The following NDFIP1 variants were observed in gnomAD, a reference collection of about 807,000 sequenced individuals.
NDFIP1 encodes NEDD4 family-interacting protein 1.
In NDFIP1, 7 loss-of-function variants were observed where a neutral mutation model predicts 28.8. The ratio of observed to expected loss-of-function variants is 0.24; its 90% CI spans 0.14 to 0.46. NDFIP1 has a LOEUF of 0.46. Ranked by LOEUF, NDFIP1 falls within the 20% of genes least tolerant of loss-of-function variation. NDFIP1 has a pLI of 0.99. For missense variants in NDFIP1, 194 were observed against 269.1 expected, an observed-to-expected ratio of 0.72 and a Z score of 1.95; for synonymous variants, 92 against 101.0, an observed-to-expected ratio of 0.91 and a Z score of 0.53.
intron 1 of NDFIP1, among the ~76,000 whole-genome samples, chr5:142,115,136 A>T (rs776323951): frequency 2.0e-5 from 3 of 152,192 alleles, no homozygotes; most frequent in Non-Finnish European, 4.4e-5. Flanking sequence ...TCATATTTTT[A>T]TTAAGAAAGA....
intron 1 of NDFIP1, among the ~76,000 whole-genome samples, chr5:142,120,785 G>C (rs1215524983): frequency 2.0e-5 from 3 of 152,188 alleles, no homozygotes; most frequent in African/African-American, 7.2e-5. Flanking sequence ...TTGAATACTT[G>C]TAGAATGAAA....
intron 7 of NDFIP1, among the ~76,000 whole-genome samples, chr5:142,151,053 T>C (rs1247778693): frequency 6.6e-6 from 1 of 152,226 alleles, no homozygotes; most frequent in Non-Finnish European, 1.5e-5. Flanking sequence ...AAAACTGCAT[T>C]TAGTAAAATG....
At position 142,153,040 on chromosome 5, in the gene NDFIP1, C is replaced by T. The variant is rs1757464025; in HGVS notation, c.*1312C>T. On this transcript the variant is annotated 3_prime_UTR_variant, in exon 8 of 8. Transcript: ENST00000253814. The stretch of plus-strand genomic sequence containing the variant: ...AGAGATCTTAAATCATTCTGGAATT[C>T]CTAATTATGCTTCAATTTTTAGACA... 7 of 338,946 alleles carry T rather than the reference C, an allele frequency of 2.1e-5. No individual in the cohort carries two copies. The highest frequency in any genetic ancestry group is 1.7e-4 in the South Asian group (7 of 42,192). The allele number at this position is 338,946 out of a possible 1,614,324, so 21.0% of individuals were successfully genotyped here.
At position 142,153,585 on chromosome 5, in the gene NDFIP1, G is replaced by T; in HGVS notation, c.*1857G>T. On this transcript the variant is annotated 3_prime_UTR_variant, in exon 8 of 8. Transcript: ENST00000253814. ...GTTATATTTGATAATAGAGAAGGGA[G>T]TTTTATGGAAGTTTCTTTGAAGATT... 3 of 278,864 alleles carry T rather than the reference G, an allele frequency of 1.1e-5. No individual in the cohort carries two copies. Among genetic ancestry groups the T allele is most frequent in the East Asian group, 1.7e-4 (2 of 11,670 alleles). The allele number at this position is 278,864 out of a possible 1,614,324, so 17.3% of individuals were successfully genotyped here. A position where few individuals can be genotyped will look rare whatever the true frequency, so the allele number is the denominator to read the frequency against.
intron 5 of NDFIP1, among the ~76,000 whole-genome samples, chr5:142,138,521 C>A (rs1757296543): frequency 6.6e-6 from 1 of 152,140 alleles, no homozygotes; most frequent in Non-Finnish European, 1.5e-5. Context: ...TAAACAAAAC[C>A]AATTTATCCG....
At chr5:142,130,880 A>G (rs1218650614) in intron 1 of NDFIP1, among the ~76,000 whole-genome samples, 3 of 152,128 alleles carry the variant, frequency 2.0e-5, no homozygotes, top group Admixed American at 6.6e-5. Flanking sequence ...GGATTATATG[A>G]TGCCTATTGT....
intron 1 of NDFIP1, among the ~76,000 whole-genome samples, chr5:142,131,509 G>C (rs1032591568): frequency 6.6e-6 from 1 of 152,174 alleles, no homozygotes; most frequent in South Asian, 2.1e-4. Context: ...AATTTTTAAT[G>C]GCCGTTTAGT....
Position 142,132,348 on chromosome 5 carries a change from T to C in NDFIP1, c.282+6T>C. 1.2e-6 allele frequency: 2 copies of C among 1,605,646 alleles called. No individual in the cohort carries two copies. The highest frequency in any genetic ancestry group is 1.7e-6 in the Non-Finnish European group (2 of 1,177,960). On this transcript the variant is annotated splice_donor_region_variant and intron_variant, in intron 3 of 7. Transcript: ENST00000253814. ...TCCCTTTGGTTCCTGGGAGAGTGAGTATAATTTGCCATGTTACTTGATGGC... is the reference window on the plus strand; with the variant it reads ...TCCCTTTGGTTCCTGGGAGAGTGAGCATAATTTGCCATGTTACTTGATGGC...
At chr5:142,145,164 GTCA>G (rs1198323373) in intron 7 of NDFIP1, among the ~76,000 whole-genome samples, 9 of 152,282 alleles carry the variant, frequency 5.9e-5, no homozygotes, top group African/African-American at 2.2e-4. Context: ...TTTTAAAATT[GTCA>G]TTGAGGCTTT....
chr5:142,142,940 A>AAAAAAAAATAT (rs60076432), intron 6 of NDFIP1: 2 of 38,160 alleles, frequency 5.2e-5, no homozygotes, highest in African/African-American at 1.3e-4. Flanking sequence ...AAAAAAAAAA[A>AAAAAAAAATAT]ATATATATAT....
intron 3 of NDFIP1, 45 bp downstream of exon 3, chr5:142,132,387 T>A (rs923703680): frequency 6.3e-7 from 1 of 1,581,520 alleles, no homozygotes; most frequent in Admixed American, 1.9e-5. Flanking sequence ...TCTGTGGGAA[T>A]TAAGTTATTT....
chr5:142,139,475 G>C (rs1268492174), intron 5 of NDFIP1, among the ~76,000 whole-genome samples: 1 of 152,046 alleles, frequency 6.6e-6, no homozygotes, highest in Non-Finnish European at 1.5e-5. Flanking sequence ...AAAGATGGCA[G>C]TTTCACGTAT....
intron 3 of NDFIP1, among the ~76,000 whole-genome samples, chr5:142,133,063 T>A (rs1757242078): frequency 6.6e-6 from 1 of 151,902 alleles, no homozygotes; most frequent in Non-Finnish European, 1.5e-5. Flanking sequence ...GTAACTGGAG[T>A]GAGTGATGAG....
intron 7 of NDFIP1, among the ~76,000 whole-genome samples, chr5:142,147,435 CT>C (rs1299217205): frequency 6.6e-6 from 1 of 152,124 alleles, no homozygotes; most frequent in Non-Finnish European, 1.5e-5. Context: ...TTTTTCCTCC[CT>C]ATCGATTCTT....
At chr5:142,138,564 T>C (rs1356204192) in intron 5 of NDFIP1, among the ~76,000 whole-genome samples, 1 of 152,222 alleles carries the variant, frequency 6.6e-6, no homozygotes, top group Non-Finnish European at 1.5e-5. Flanking sequence ...AACTAATGGG[T>C]GTTGCTTGAC....
At chr5:142,145,840 G>A (rs1757383157) in intron 7 of NDFIP1, among the ~76,000 whole-genome samples, 1 of 152,162 alleles carries the variant, frequency 6.6e-6, no homozygotes, top group Non-Finnish European at 1.5e-5. Flanking sequence ...AGCCCACGTG[G>A]AGCACGAATT....
In NDFIP1 at chr5:142,116,160, T is replaced by G. The variant is rs141230915; in HGVS notation, c.63+7123T>G. 2.3e-3 allele frequency among the ~76,000 whole-genome samples: 352 copies of G among 152,304 alleles called. 1 individual carries two copies. Among genetic ancestry groups the G allele is most frequent in the Non-Finnish European group, 3.9e-3 (262 of 68,012 alleles). ...TAAAGCAAGTGTAACTTGATATCAC[T>G]TAGCACATCCTGCTGTTACAATAAG... is the stretch of plus-strand genomic sequence containing the variant. On this transcript the variant is annotated intron_variant, in intron 1 of 7. Transcript: ENST00000253814.
At chr5:142,122,018 T>C (rs1231393172) in intron 1 of NDFIP1, among the ~76,000 whole-genome samples, 1 of 152,222 alleles carries the variant, frequency 6.6e-6, no homozygotes, top group Non-Finnish European at 1.5e-5. Context: ...GTACAGTCTT[T>C]TTCTTCTCCC....
At chr5:142,111,495 C>T (rs972779924) in intron 1 of NDFIP1, among the ~76,000 whole-genome samples, 3 of 151,912 alleles carry the variant, frequency 2.0e-5, no homozygotes, top group Admixed American at 6.6e-5. Flanking sequence ...GCCTGGTCAG[C>T]GAATATGCAT....
Sources: allele counts gnomAD v4.1 joint callset (sites outside exome capture counted in the v4.1 genomes callset), GRCh38; gene constraint gnomAD v4.1.1; transcripts MANE v1.5; gene names NCBI Gene and HGNC (gene_info 2026-07-23, HGNC 2026-07-21).